ITPR1: variants seen among roughly 807,000 people sequenced by gnomAD.
ITPR1 encodes the protein inositol 1,4,5-trisphosphate-gated calcium channel ITPR1.
Under a neutral mutation model 318.4 loss-of-function variants are expected in ITPR1, and 96 were observed. That is an observed-to-expected ratio of 0.30 (90% CI 0.26 to 0.36). The LOEUF (loss-of-function observed/expected upper bound fraction) is 0.36, where lower values mean the gene tolerates loss of function less well. Ranked by LOEUF, ITPR1 falls within the 10% of genes least tolerant of loss-of-function variation. The pLI is 1.00. For synonymous variants in ITPR1, 1,312 were observed against 1,289.9 expected (o/e 1.02, Z -0.37); for missense variants, 2,440 against 3,460.2 (o/e 0.71, Z 7.40).
At chr3:4,833,958 T>C (rs1456529658) in intron 60 of ITPR1, among the ~76,000 whole-genome samples, 1 of 152,160 alleles carries the variant, frequency 6.6e-6, no homozygotes, top group Admixed American at 6.5e-5. Flanking sequence ...GTGGCACAAT[T>C]ATGACTCACT....
chr3:4,620,884 C>G (rs189235292), intron 4 of ITPR1, among the ~76,000 whole-genome samples: 72 of 152,152 alleles, frequency 4.7e-4, no homozygotes, highest in African/African-American at 1.4e-3. Context: ...CCTCAACTTT[C>G]CTCCTCTCCA....
intron 4 of ITPR1, among the ~76,000 whole-genome samples, chr3:4,607,652 T>C (rs2091794873): frequency 6.6e-6 from 1 of 151,696 alleles, no homozygotes. Flanking sequence ...AAGGTGGGGG[T>C]GGCAGGCAAT....
At chr3:4,581,089 G>A (rs1034320803) in intron 4 of ITPR1, among the ~76,000 whole-genome samples, 3 of 152,092 alleles carry the variant, frequency 2.0e-5, no homozygotes, top group Admixed American at 6.5e-5. Flanking sequence ...TTAAAATACC[G>A]CTTGTTTCAC....
intron 4 of ITPR1, among the ~76,000 whole-genome samples, chr3:4,619,531 C>A (rs1263391411): frequency 6.7e-6 from 1 of 148,704 alleles, no homozygotes; most frequent in East Asian, 2.0e-4. Context: ...TCTCCAACTT[C>A]CATCCCCTTC....
chr3:4,832,428 T>C (rs897071632), intron 60 of ITPR1, among the ~76,000 whole-genome samples: 1 of 152,142 alleles, frequency 6.6e-6, no homozygotes, highest in African/African-American at 2.4e-5. Context: ...GAGGTGGTGG[T>C]TGGATCACCT....
intron 12 of ITPR1, among the ~76,000 whole-genome samples, chr3:4,654,309 G>T (rs1433749188): frequency 6.6e-6 from 1 of 152,206 alleles, no homozygotes. Flanking sequence ...CTGAGGCTAT[G>T]GAGGTAACAC....
chr3:4,761,301 C>T (rs1437795398), intron 44 of ITPR1, among the ~76,000 whole-genome samples: 1 of 152,178 alleles, frequency 6.6e-6, no homozygotes, highest in Admixed American at 6.5e-5. Context: ...CTGTTGTTCC[C>T]CTCTTTATGT....
intron 4 of ITPR1, among the ~76,000 whole-genome samples, chr3:4,614,459 C>T (rs956868405): frequency 2.6e-5 from 4 of 152,098 alleles, no homozygotes; most frequent in African/African-American, 9.7e-5. Context: ...GGACTTCAAG[C>T]AAAGTAGTTT....
At chr3:4,567,383 A>G (rs1338357961) in intron 4 of ITPR1, among the ~76,000 whole-genome samples, 1 of 152,196 alleles carries the variant, frequency 6.6e-6, no homozygotes, top group Non-Finnish European at 1.5e-5. Context: ...GGGATGATAA[A>G]GCCTAAGAAG....
chr3:4,578,127 A>G (rs1395536796), intron 4 of ITPR1, among the ~76,000 whole-genome samples: 1 of 152,262 alleles, frequency 6.6e-6, no homozygotes, highest in Admixed American at 6.5e-5. Context: ...TCAGATTGCT[A>G]TAACGCTTGA....
At chr3:4,708,707 G>T (rs146403586) in intron 37 of ITPR1, among the ~76,000 whole-genome samples, 2 of 152,364 alleles carry the variant, frequency 1.3e-5, no homozygotes, top group East Asian at 3.8e-4. Flanking sequence ...TAGGTGGGCA[G>T]TACTGTTCTA....
intron 4 of ITPR1, among the ~76,000 whole-genome samples, chr3:4,596,899 A>G (rs772194105): frequency 6.6e-5 from 10 of 152,346 alleles, no homozygotes; most frequent in South Asian, 4.1e-4. Flanking sequence ...CAGTAAAAGT[A>G]CGTCACCTTT....
At chr3:4,843,232 T>C (rs2051498047) in intron 61 of ITPR1, among the ~76,000 whole-genome samples, 1 of 152,140 alleles carries the variant, frequency 6.6e-6, no homozygotes, top group African/African-American at 2.4e-5. Context: ...TAAAAGGCCA[T>C]GGTTAATCAA....
chr3:4,501,538 C>T lies in ITPR1; in HGVS notation c.-17+7032C>T, dbSNP rs757681670. Among the ~76,000 whole-genome samples the T allele has an allele frequency of 1.9e-4, 29 of 152,350 alleles. 1 individual carries two copies. Among genetic ancestry groups the T allele is most frequent in the Middle Eastern group, 3.4e-3 (1 of 294 alleles). ...AAGATATGCATTGGAGGATGCCTGT[C>T]CCTGTGCTTTTTCAGTCCTTGTCAT... is the stretch of plus-strand genomic sequence containing the variant. On this transcript the variant is annotated intron_variant, in intron 2 of 61. Coordinates refer to ENST00000649015, the MANE Select transcript of ITPR1 (RefSeq NM_001378452.1).
In ITPR1 at chr3:4,586,536, G is replaced by T. The variant is rs539815991; in HGVS notation, c.164-41227G>T. Reference sequence around the variant, plus strand: ...TTTTTTTTTTTTTTTTTGAGACAAGGTCTTGCTCTGTCACCCAGGCTGGAG... The same window carrying T: ...TTTTTTTTTTTTTTTTTGAGACAAGTTCTTGCTCTGTCACCCAGGCTGGAG... On this transcript the variant is annotated intron_variant, in intron 4 of 61. Coordinates refer to ENST00000649015, the MANE Select transcript of ITPR1 (RefSeq NM_001378452.1). 2.1e-3 allele frequency among the ~76,000 whole-genome samples: 291 copies of T among 141,586 alleles called. 1 individual carries two copies. Among genetic ancestry groups the T allele is most frequent in the South Asian group, 6.6e-3 (30 of 4,520 alleles). The allele number at this position is 141,586 out of a possible 152,430, so 92.9% of individuals were successfully genotyped here.
At chr3:4,719,437 C>T (rs1333170406) in intron 40 of ITPR1, among the ~76,000 whole-genome samples, 6 of 152,140 alleles carry the variant, frequency 3.9e-5, no homozygotes, top group East Asian at 3.9e-4. Context: ...AGTCGTTTGC[C>T]GGTGTGTACT....
chr3:4,674,616 A>C (rs1187032958), intron 22 of ITPR1, among the ~76,000 whole-genome samples: 1 of 152,240 alleles, frequency 6.6e-6, no homozygotes, highest in Non-Finnish European at 1.5e-5. Context: ...AACTGACAAG[A>C]GAGAAACACT....
At chr3:4,601,175 CT>C (rs68165287) in intron 4 of ITPR1, among the ~76,000 whole-genome samples, 14 of 119,746 alleles carry the variant, frequency 1.2e-4, no homozygotes, top group East Asian at 2.4e-4. Flanking sequence ...GAAAAATATT[CT>C]TTTTTTTTTT....
rs1203671801 is a variant in ITPR1, at chr3:4,775,230, AC to A, written c.5980-9del. 6.2e-7 allele frequency: 1 copy of A among 1,606,304 alleles called. No homozygotes were observed. Among genetic ancestry groups the A allele is most frequent in the Non-Finnish European group, 8.5e-7 (1 of 1,172,902 alleles). ...CCTTTGCTCACCGAACCTGGGGACT[AC>A]CCAATTGCAGAACTTCCTCCGTTGC... is the stretch of plus-strand genomic sequence containing the variant. On this transcript the variant is annotated splice_polypyrimidine_tract_variant and intron_variant, in intron 46 of 61. Coordinates refer to ENST00000649015, the MANE Select transcript of ITPR1 (RefSeq NM_001378452.1).
Sources: gnomAD v4.1 joint callset for allele counts (sites outside exome capture counted in the v4.1 genomes callset) on GRCh38, gnomAD v4.1.1 for gene constraint, MANE v1.5 for transcripts, NCBI Gene and HGNC (gene_info 2026-07-23, HGNC 2026-07-21) for gene names.